Variants in HDAC9 observed in about 807,000 individuals in gnomAD.
The protein encoded by HDAC9 is MEF-2 interacting transcription repressor (MITR) protein.
In HDAC9, 41 loss-of-function variants were observed where a neutral mutation model predicts 139.4. The ratio of observed to expected loss-of-function variants is 0.29; its 90% CI spans 0.23 to 0.38. The LOEUF (loss-of-function observed/expected upper bound fraction) is 0.38. Ranked by LOEUF, HDAC9 falls within the 10% of genes least tolerant of loss-of-function variation. The pLI, the probability that HDAC9 is intolerant of heterozygous loss-of-function variation, is 1.00. For synonymous variants in HDAC9, 517 were observed against 476.2 expected, an observed-to-expected ratio of 1.09 and a Z score of -1.12; for missense variants, 1,147 against 1,297.0, an observed-to-expected ratio of 0.88 and a Z score of 1.78.
intron 6 of HDAC9, among the ~76,000 whole-genome samples, chr7:18,604,446 G>A (rs924492901): frequency 2.2e-4 from 33 of 149,170 alleles, no homozygotes; most frequent in Non-Finnish European, 3.6e-4. Flanking sequence ...TTGCTCTGTC[G>A]CCCAGGCTGG....
At chr7:18,349,231 C>G (rs1173337397) in intron 1 of HDAC9, among the ~76,000 whole-genome samples, 1 of 150,820 alleles carries the variant, frequency 6.6e-6, no homozygotes, top group Admixed American at 6.6e-5. Context: ...ACTGTCTTGC[C>G]TTAGGTAAGC....
At chr7:18,981,718 A>G (rs1784963153) in intron 25 of HDAC9, among the ~76,000 whole-genome samples, 1 of 152,218 alleles carries the variant, frequency 6.6e-6, no homozygotes, top group East Asian at 1.9e-4. Flanking sequence ...TAATTAGATT[A>G]GACTCACCAG....
intron 12 of HDAC9, among the ~76,000 whole-genome samples, chr7:18,700,047 C>T (rs10236906): frequency 0.14 from 20,614 of 151,746 alleles, 1,515 homozygotes; most frequent in East Asian, 0.2. Context: ...TACCTGTTTA[C>T]GAAAATTAGT....
chr7:18,943,533 A>G (rs1217217833), intron 23 of HDAC9, among the ~76,000 whole-genome samples: 2 of 152,090 alleles, frequency 1.3e-5, no homozygotes, highest in Non-Finnish European at 2.9e-5. Flanking sequence ...ATGGGATACT[A>G]TTTGGGTTTG....
intron 1 of HDAC9, among the ~76,000 whole-genome samples, chr7:18,113,760 C>G (rs1783784626): frequency 6.6e-6 from 1 of 152,108 alleles, no homozygotes; most frequent in Non-Finnish European, 1.5e-5. Flanking sequence ...ATTTGCAGTC[C>G]TTATATTTCT....
chr7:18,108,299 C>A (rs1783363541), intron 1 of HDAC9, among the ~76,000 whole-genome samples: 1 of 152,088 alleles, frequency 6.6e-6, no homozygotes, highest in South Asian at 2.1e-4. Flanking sequence ...GAGTGTGGGG[C>A]AGTACCAACA....
intron 2 of HDAC9, among the ~76,000 whole-genome samples, chr7:18,207,125 A>G (rs192481624): frequency 2.6e-5 from 4 of 151,770 alleles, no homozygotes; most frequent in Admixed American, 1.3e-4. Context: ...TTTGTTTGAG[A>G]TGAGTTTTTG....
At chr7:18,967,247 A>ATTACT (rs1783921156) in intron 24 of HDAC9, among the ~76,000 whole-genome samples, 1 of 152,222 alleles carries the variant, frequency 6.6e-6, no homozygotes, top group Non-Finnish European at 1.5e-5. Flanking sequence ...TCCATGAAGC[A>ATTACT]TTACTTTTTA....
At chr7:18,698,594 G>A (rs768038469) in intron 12 of HDAC9, among the ~76,000 whole-genome samples, 1 of 152,134 alleles carries the variant, frequency 6.6e-6, no homozygotes, top group Non-Finnish European at 1.5e-5. Flanking sequence ...GGTATCAAAG[G>A]CCTGTGTCAT....
chr7:18,948,165 C>T (rs186395207), intron 23 of HDAC9, among the ~76,000 whole-genome samples: 66 of 151,710 alleles, frequency 4.4e-4, no homozygotes, highest in East Asian at 4.3e-3. Context: ...GAAAACAAGA[C>T]GAAGATACTC....
At chr7:18,673,181 A>G (rs1795764185) in intron 12 of HDAC9, among the ~76,000 whole-genome samples, 2 of 152,134 alleles carry the variant, frequency 1.3e-5, no homozygotes, top group South Asian at 4.1e-4. Context: ...CTGGGAGGTT[A>G]GGGCAGGAGG....
intron 1 of HDAC9, among the ~76,000 whole-genome samples, chr7:18,480,706 G>T (rs993769480): frequency 2.0e-5 from 3 of 152,136 alleles, no homozygotes; most frequent in African/African-American, 7.2e-5. Context: ...AATTAAATGT[G>T]ATTGGTACAT....
At chr7:18,834,979 T>C (rs1796129668) in intron 19 of HDAC9, among the ~76,000 whole-genome samples, 1 of 152,158 alleles carries the variant, frequency 6.6e-6, no homozygotes, top group African/African-American at 2.4e-5. Flanking sequence ...AAAATACTAG[T>C]TTGTAGTTTA....
chr7:18,354,545 G>T (rs1783103302), intron 1 of HDAC9, among the ~76,000 whole-genome samples: 1 of 152,100 alleles, frequency 6.6e-6, no homozygotes, highest in South Asian at 2.1e-4. Flanking sequence ...AATTATAGTG[G>T]TTTGATTCTC....
At chr7:18,318,910 G>T (rs1379210090) in intron 1 of HDAC9, among the ~76,000 whole-genome samples, 1 of 152,008 alleles carries the variant, frequency 6.6e-6, no homozygotes, top group Non-Finnish European at 1.5e-5. Context: ...TCAAAGTCTC[G>T]CCCTGGGATC....
chr7:18,240,742 C>A (rs540494410), intron 2 of HDAC9, among the ~76,000 whole-genome samples: 1 of 152,152 alleles, frequency 6.6e-6, no homozygotes, highest in African/African-American at 2.4e-5. Flanking sequence ...GTGATATGCA[C>A]CTCAAATCTT....
In HDAC9 at chr7:19,000,409, G is replaced by C. The variant is rs1329934140; in HGVS notation, c.*4347G>C. 6.6e-6 allele frequency: 1 copy of C among 152,216 alleles called. No individual in the cohort carries two copies. Among genetic ancestry groups the C allele is most frequent in the Non-Finnish European group, 1.5e-5 (1 of 68,032 alleles). 9.4% of individuals were successfully genotyped at this position (152,216 alleles called of 1,614,324 possible). On this transcript the variant is annotated 3_prime_UTR_variant, in exon 26 of 26. Coordinates refer to ENST00000686413, the MANE Select transcript of HDAC9 (RefSeq NM_178425.4). ...ACTCCATGAAACGCTTCATGAAGCA[G>C]AGCATGATTGTCAAGTGACCAGAGG...
chr7:18,265,082 A>G (rs867478991), intron 2 of HDAC9, among the ~76,000 whole-genome samples: 36 of 152,176 alleles, frequency 2.4e-4, no homozygotes, highest in African/African-American at 8.4e-4. Context: ...AGGAGTCTCA[A>G]TGCTGGCTGA....
At chr7:18,936,997 CT>C (rs1156593593) in intron 23 of HDAC9, among the ~76,000 whole-genome samples, 2 of 145,834 alleles carry the variant, frequency 1.4e-5, no homozygotes, top group African/African-American at 5.0e-5. Flanking sequence ...AGAGAGAAAA[CT>C]TAAGCATTGC....
Sources: gnomAD v4.1 joint callset for allele counts (sites outside exome capture counted in the v4.1 genomes callset) on GRCh38, gnomAD v4.1.1 for gene constraint, MANE v1.5 for transcripts, NCBI Gene and HGNC (gene_info 2026-07-23, HGNC 2026-07-21) for gene names.